SF3A3: variants seen among roughly 807,000 people sequenced by gnomAD.
SF3A3 encodes SAP 61.
A neutral mutation model predicts 85.8 loss-of-function variants in SF3A3; 9 were observed. The ratio of observed to expected loss-of-function variants is 0.10; its 90% CI spans 0.06 to 0.18. The LOEUF is 0.18. Ranked by LOEUF, SF3A3 falls within the 10% of genes least tolerant of loss-of-function variation. The pLI is 1.00. For missense variants in SF3A3, 306 were observed against 593.3 expected, an observed-to-expected ratio of 0.52 and a Z score of 5.03; for synonymous variants, 195 against 204.4, an observed-to-expected ratio of 0.95 and a Z score of 0.39.
intron 4 of SF3A3, among the ~76,000 whole-genome samples, chr1:37,985,831 C>A (rs1479389275): frequency 1.3e-5 from 2 of 152,090 alleles, no homozygotes; most frequent in African/African-American, 4.8e-5. Context: ...TTGCAATAAA[C>A]AGCCTCTATT....
intron 12 of SF3A3, among the ~76,000 whole-genome samples, chr1:37,973,534 C>A (rs897383216): frequency 1.3e-5 from 2 of 152,150 alleles, no homozygotes; most frequent in Non-Finnish European, 2.9e-5. Flanking sequence ...CAATGAGATA[C>A]CATCTCACAC....
intron 2 of SF3A3, among the ~76,000 whole-genome samples, chr1:37,988,110 CT>C (rs1646468570): frequency 6.6e-6 from 1 of 152,172 alleles, no homozygotes; most frequent in Admixed American, 6.6e-5. Context: ...TGGCTCCTAT[CT>C]TTACATACCA....
At chr1:37,968,290 T>C (rs1646316465) in intron 14 of SF3A3, among the ~76,000 whole-genome samples, 156 bp from the exon 15 acceptor site, 1 of 152,202 alleles carries the variant, frequency 6.6e-6, no homozygotes, top group African/African-American at 2.4e-5. Flanking sequence ...AACAGCTGGC[T>C]GTGACTGACA....
chr1:37,983,357 A>G (rs12566269), intron 6 of SF3A3, among the ~76,000 whole-genome samples: 136,621 of 150,898 alleles, frequency 0.91, 61,977 homozygotes, highest in East Asian at 1. Flanking sequence ...GCCAAGACAG[A>G]CGGATTGCTT....
At chr1:37,974,005 C>G (rs1388223786) in intron 12 of SF3A3, among the ~76,000 whole-genome samples, 2 of 152,148 alleles carry the variant, frequency 1.3e-5, no homozygotes, top group Non-Finnish European at 2.9e-5. Flanking sequence ...ACCGAATGTT[C>G]TCACTCATAG....
chr1:37,989,842 C>T (rs367602722), intron 1 of SF3A3, 28 bp downstream of exon 1: 105 of 1,559,170 alleles, frequency 6.7e-5, no homozygotes, highest in Non-Finnish European at 8.9e-5. Context: ...CGTGCTCCTG[C>T]CGCAGCCTCT....
chr1:37,969,753 A>G lies in SF3A3; in HGVS notation c.1006-18T>C, dbSNP rs1646325840. 1 of 1,607,756 alleles carries G rather than the reference A, an allele frequency of 6.2e-7. No homozygotes were observed. The highest frequency in any genetic ancestry group is 8.5e-7 in the Non-Finnish European group (1 of 1,175,954). On this transcript the variant is annotated intron_variant, in intron 12 of 16. Transcript: ENST00000373019. ...CGCTGTTCCTAAAGCAGGTCCATAA[A>G]TGAAAAGTCAGAAAAAAGTAGTGCA...
chr1:37,962,166 G>A (rs193287406), intron 15 of SF3A3, among the ~76,000 whole-genome samples: 204 of 151,252 alleles, frequency 1.3e-3, no homozygotes, highest in South Asian at 1.9e-3. Context: ...ATGCACATCA[G>A]GAAGGACTGG....
intron 8 of SF3A3, 104 bp downstream of exon 8, chr1:37,980,482 C>G (rs1646410368): frequency 1.6e-6 from 2 of 1,227,558 alleles, no homozygotes; most frequent in Admixed American, 4.4e-5. Flanking sequence ...CAAGTGATAC[C>G]AAGGAATTGA....
chr1:37,961,679 G>A (rs1646259470), intron 15 of SF3A3, among the ~76,000 whole-genome samples: 1 of 137,724 alleles, frequency 7.3e-6, no homozygotes, highest in Non-Finnish European at 1.5e-5. Flanking sequence ...ATGTGACAGG[G>A]CAGGACCCTG....
At chr1:37,980,452 C>T in intron 8 of SF3A3, 134 bp downstream of exon 8, 1 of 902,324 alleles carries the variant, frequency 1.1e-6, no homozygotes, top group Non-Finnish European at 1.6e-6. Flanking sequence ...GCATACTTGG[C>T]AGGGAATACC....
chr1:37,967,865 AACAAAACAAAAAAAC>A (rs1434295764), intron 15 of SF3A3, among the ~76,000 whole-genome samples, 164 bp downstream of exon 15: 1 of 152,100 alleles, frequency 6.6e-6, no homozygotes, highest in Admixed American at 6.6e-5. Flanking sequence ...TCCATCTCAA[AACAAAACAAAAAAAC>A]ACAAAACAAA....
chr1:37,963,689 T>C (rs1281603007), intron 15 of SF3A3, among the ~76,000 whole-genome samples: 1 of 150,090 alleles, frequency 6.7e-6, no homozygotes, highest in Non-Finnish European at 1.5e-5. Context: ...CCCAAGTAGC[T>C]GGGACTACAG....
At chr1:37,980,301 G>A (rs1449478044) in intron 8 of SF3A3, among the ~76,000 whole-genome samples, 2 of 152,032 alleles carry the variant, frequency 1.3e-5, no homozygotes, top group Non-Finnish European at 2.9e-5. Context: ...GCGCGTGCCT[G>A]TAATCCCAGT....
intron 6 of SF3A3, 131 bp downstream of exon 6, chr1:37,984,038 C>A (rs1166775200): frequency 1.9e-6 from 1 of 520,156 alleles, no homozygotes; most frequent in Admixed American, 3.4e-5. Flanking sequence ...CATATCACCT[C>A]TTTAATATTT....
chr1:37,969,764 G>C, intron 12 of SF3A3, 29 bp from the exon 13 acceptor site: 1 of 1,603,110 alleles, frequency 6.2e-7, no homozygotes, highest in South Asian at 1.1e-5. Context: ...TGAAAAGTCA[G>C]AAAAAAGTAG....
intron 15 of SF3A3, among the ~76,000 whole-genome samples, chr1:37,963,562 C>CT (rs900596842): frequency 6.0e-4 from 87 of 144,572 alleles, no homozygotes; most frequent in East Asian, 1.4e-3. Flanking sequence ...AATGATAATT[C>CT]TTTTTTTTTT....
chr1:37,971,411 C>G (rs1276227199), intron 12 of SF3A3, among the ~76,000 whole-genome samples: 1 of 152,140 alleles, frequency 6.6e-6, no homozygotes, highest in African/African-American at 2.4e-5. Flanking sequence ...GATTCACAGC[C>G]GAGTTCTACC....
chr1:37,984,104 G>T, intron 6 of SF3A3, 65 bp downstream of exon 6: 1 of 818,284 alleles, frequency 1.2e-6, no homozygotes, highest in East Asian at 2.6e-5. Flanking sequence ...ATGTCTGCTA[G>T]TTCCAGCCTA....
Sources: gnomAD v4.1 joint callset for allele counts (sites outside exome capture counted in the v4.1 genomes callset) on GRCh38, gnomAD v4.1.1 for gene constraint, MANE v1.5 for transcripts, NCBI Gene and HGNC (gene_info 2026-07-23, HGNC 2026-07-21) for gene names.